NEBL: variants seen among roughly 807,000 people sequenced by gnomAD.
NEBL encodes nebulette, also known as LIM and SH3 protein 2.
Under a neutral mutation model 140.2 loss-of-function variants are expected in NEBL, and 122 were observed. The ratio of observed to expected loss-of-function variants is 0.87; its 90% confidence interval spans 0.75 to 1.01. The LOEUF is 1.01. Ranked by LOEUF, NEBL falls within the 50% of genes least tolerant of loss-of-function variation. NEBL has a pLI of 0.00. For synonymous variants in NEBL, 436 were observed against 398.9 expected (o/e 1.09, Z -1.11); for missense variants, 1,365 against 1,231.3 (o/e 1.11, Z -1.62).
intron 18 of NEBL, among the ~76,000 whole-genome samples, chr10:20,824,062 A>G (rs1280211144): frequency 6.6e-6 from 1 of 152,184 alleles, no homozygotes; most frequent in African/African-American, 2.4e-5. Flanking sequence ...TATGCACGGG[A>G]CAAGAAAGAG....
chr10:20,858,718 A>G (rs1425812928), intron 8 of NEBL, among the ~76,000 whole-genome samples: 1 of 152,200 alleles, frequency 6.6e-6, no homozygotes, highest in African/African-American at 2.4e-5. Context: ...GATGTTTCCC[A>G]TCCTATCACC....
At chr10:21,207,982 T>C (rs1423509987) in intron 3 of NEBL, among the ~76,000 whole-genome samples, 1 of 152,320 alleles carries the variant, frequency 6.6e-6, no homozygotes, top group African/African-American at 2.4e-5. Flanking sequence ...CAGGTTCATA[T>C]GTCCACTGCA....
intron 2 of NEBL, among the ~76,000 whole-genome samples, chr10:21,040,339 A>G (rs1834216128): frequency 3.3e-4 from 1 of 3,034 alleles, no homozygotes; most frequent in Non-Finnish European, 7.8e-4. Flanking sequence ...ACTCCATTCA[A>G]AAAAAAAAGA....
intron 2 of NEBL, among the ~76,000 whole-genome samples, chr10:21,050,357 C>A (rs1477588110): frequency 6.6e-6 from 1 of 152,162 alleles, no homozygotes; most frequent in Admixed American, 6.5e-5. Context: ...ACATTAAAAT[C>A]AATTCTCACA....
At chr10:21,137,526 G>A (rs939278920) in intron 2 of NEBL, among the ~76,000 whole-genome samples, 4 of 152,150 alleles carry the variant, frequency 2.6e-5, no homozygotes, top group South Asian at 2.1e-4. Context: ...AGAACACTAC[G>A]GCTACTGCTG....
intron 2 of NEBL, among the ~76,000 whole-genome samples, chr10:21,126,465 TA>T (rs1838840187): frequency 5.9e-5 from 9 of 152,074 alleles, no homozygotes; most frequent in Admixed American, 5.9e-4. Context: ...GTGTGGACTC[TA>T]AAGAGGGAAA....
chr10:20,910,590 C>A (rs1032773364), intron 4 of NEBL, among the ~76,000 whole-genome samples: 1 of 152,090 alleles, frequency 6.6e-6, no homozygotes. Flanking sequence ...ATTGGAAGGG[C>A]CACATTTGGG....
At chr10:21,077,357 C>T (rs1007417541) in intron 2 of NEBL, among the ~76,000 whole-genome samples, 1 of 152,184 alleles carries the variant, frequency 6.6e-6, no homozygotes. Context: ...GTAATCCCAG[C>T]ACTTTGGAAG....
At chr10:21,239,945 G>C (rs1486377423) in intron 3 of NEBL, among the ~76,000 whole-genome samples, 3 of 151,906 alleles carry the variant, frequency 2.0e-5, no homozygotes, top group Non-Finnish European at 4.4e-5. Flanking sequence ...GAACCCGGGA[G>C]GCAGAGCTTG....
chr10:20,966,390 A>G (rs905601876), intron 3 of NEBL, among the ~76,000 whole-genome samples: 1 of 152,224 alleles, frequency 6.6e-6, no homozygotes, highest in African/African-American at 2.4e-5. Flanking sequence ...ATAAAACAAG[A>G]AAATATGCAA....
chr10:21,116,640 T>C, intron 2 of NEBL, among the ~76,000 whole-genome samples: 1 of 152,128 alleles, frequency 6.6e-6, no homozygotes, highest in East Asian at 1.9e-4. Context: ...GGGTCACATT[T>C]TCCTGCTTCT....
intron 2 of NEBL, among the ~76,000 whole-genome samples, chr10:21,130,414 T>C (rs1839048793): frequency 6.6e-6 from 1 of 152,170 alleles, no homozygotes; most frequent in Non-Finnish European, 1.5e-5. Context: ...ATCATTGACA[T>C]GTATAGACTA....
intron 2 of NEBL, among the ~76,000 whole-genome samples, chr10:21,054,551 C>A (rs1834925591): frequency 6.6e-6 from 1 of 152,048 alleles, no homozygotes; most frequent in Admixed American, 6.5e-5. Flanking sequence ...TTTCTGTTTT[C>A]TTTGAAATGT....
intron 13 of NEBL, among the ~76,000 whole-genome samples, chr10:20,836,092 C>T (rs1430419582): frequency 6.6e-6 from 1 of 151,286 alleles, no homozygotes; most frequent in East Asian, 2.0e-4. Context: ...TTTTTACAAA[C>T]TGAAGGTTTG....
chr10:20,915,490 G>C (rs527434639), intron 4 of NEBL, among the ~76,000 whole-genome samples: 1 of 150,176 alleles, frequency 6.7e-6, no homozygotes, highest in Admixed American at 6.7e-5. Flanking sequence ...CCACCTATGA[G>C]TGAGAATACA....
chr10:21,254,331 C>T (rs1842627520), intron 1 of NEBL, among the ~76,000 whole-genome samples: 1 of 152,102 alleles, frequency 6.6e-6, no homozygotes. Context: ...CAGGGTCTTG[C>T]TATGCTGCCC....
chr10:21,232,294 G>A (rs747125511), intron 3 of NEBL, among the ~76,000 whole-genome samples: 33 of 152,134 alleles, frequency 2.2e-4, no homozygotes, highest in Non-Finnish European at 4.3e-4. Flanking sequence ...AAAAGCTTTA[G>A]AGCAGCAGTC....
At chr10:21,185,931 A>G (rs1380469885) in intron 3 of NEBL, among the ~76,000 whole-genome samples, 1 of 152,180 alleles carries the variant, frequency 6.6e-6, no homozygotes, top group African/African-American at 2.4e-5. Context: ...GACTGAGAAC[A>G]GGGATTTCAG....
In NEBL at chr10:21,167,050, C is replaced by G. The variant is rs993646304; in HGVS notation, c.164+5333G>C. On this transcript the variant is annotated intron_variant, in intron 2 of 6. Coordinates refer to the NEBL transcript ENST00000417816. The stretch of plus-strand genomic sequence containing the variant: ...GTGAGAGGCAGCGGAGCACTGGCCT[C>G]GATAATCACACTCAACAGGGGCCGG... 2.6e-5 allele frequency among the ~76,000 whole-genome samples: 4 copies of G among 152,158 alleles called. 1 individual carries two copies. The highest frequency in any genetic ancestry group is 4.1e-4 in the South Asian group (2 of 4,834).
Sources: allele counts gnomAD v4.1 joint callset (sites outside exome capture counted in the v4.1 genomes callset), GRCh38; gene constraint gnomAD v4.1.1; transcripts MANE v1.5; gene names NCBI Gene and HGNC (gene_info 2026-07-23, HGNC 2026-07-21).